The following NELL1 variants were observed in gnomAD, a reference collection of about 807,000 sequenced individuals.
NELL1 encodes the protein neural EGFL like 1.
NELL1 carries 76 observed loss-of-function variants against 107.4 expected under a neutral mutation model. The ratio of observed to expected loss-of-function variants is 0.71; its 90% CI spans 0.59 to 0.86. NELL1 has a LOEUF of 0.86. Ranked by LOEUF, NELL1 falls within the 40% of genes least tolerant of loss-of-function variation. The pLI, the probability that NELL1 is intolerant of heterozygous loss-of-function variation, is 0.00. For missense variants in NELL1, 1,024 were observed against 1,005.5 expected (o/e 1.02, Z -0.25); for synonymous variants, 353 against 341.2 (o/e 1.03, Z -0.38).
intron 3 of NELL1, among the ~76,000 whole-genome samples, chr11:20,824,395 G>A (rs327020): frequency 0.82 from 123,882 of 150,862 alleles, 52,041 homozygotes; most frequent in East Asian, 0.94. Flanking sequence ...CTGCCATAAG[G>A]ATACCTGAAA....
At chr11:21,561,512 T>C (rs1856849832) in intron 17 of NELL1, among the ~76,000 whole-genome samples, 1 of 152,066 alleles carries the variant, frequency 6.6e-6, no homozygotes, top group Non-Finnish European at 1.5e-5. Context: ...CAGCACTACT[T>C]TGAAAGACAA....
intron 14 of NELL1, among the ~76,000 whole-genome samples, chr11:21,239,507 C>T (rs1233505882): frequency 2.0e-5 from 3 of 152,016 alleles, no homozygotes; most frequent in Non-Finnish European, 2.9e-5. Context: ...CAGTGGGAAA[C>T]ATTCGTGAGA....
chr11:20,711,495 G>A (rs181651079), intron 2 of NELL1, among the ~76,000 whole-genome samples: 233 of 152,018 alleles, frequency 1.5e-3, no homozygotes, highest in African/African-American at 5.3e-3. Flanking sequence ...TATGTTTCAC[G>A]GAGGTTCTAT....
chr11:20,771,506 T>A (rs932343395), intron 2 of NELL1, among the ~76,000 whole-genome samples: 2 of 152,176 alleles, frequency 1.3e-5, no homozygotes, highest in Admixed American at 6.5e-5. Context: ...GTTTGACATA[T>A]CGCTTTGCAG....
intron 15 of NELL1, among the ~76,000 whole-genome samples, chr11:21,421,050 A>G (rs193079006): frequency 8.5e-5 from 13 of 152,350 alleles, no homozygotes; most frequent in African/African-American, 3.1e-4. Flanking sequence ...GAAAATGCCA[A>G]GGAAAAGGCC....
At chr11:21,010,219 A>G (rs1852417521) in intron 12 of NELL1, among the ~76,000 whole-genome samples, 1 of 152,052 alleles carries the variant, frequency 6.6e-6, no homozygotes, top group Admixed American at 6.6e-5. Flanking sequence ...TCCTCCCCTA[A>G]GAAGTTTCTT....
At chr11:21,175,676 G>T (rs1191259606) in intron 13 of NELL1, among the ~76,000 whole-genome samples, 1 of 151,812 alleles carries the variant, frequency 6.6e-6, no homozygotes, top group Non-Finnish European at 1.5e-5. Flanking sequence ...AATGTTAATT[G>T]GCAGCTCCGA....
intron 15 of NELL1, among the ~76,000 whole-genome samples, chr11:21,498,085 C>T (rs1340888680): frequency 6.6e-6 from 1 of 151,818 alleles, no homozygotes; most frequent in Non-Finnish European, 1.5e-5. Flanking sequence ...GAAAATATTA[C>T]AGATGCCTTT....
chr11:21,560,914 C>T (rs1216938943), intron 17 of NELL1, among the ~76,000 whole-genome samples: 2 of 151,952 alleles, frequency 1.3e-5, no homozygotes, highest in Admixed American at 1.3e-4. Context: ...TTGTTATTCT[C>T]AGTGCTGGGC....
At chr11:21,137,920 T>A (rs751903833) in intron 13 of NELL1, among the ~76,000 whole-genome samples, 8 of 152,194 alleles carry the variant, frequency 5.3e-5, no homozygotes, top group Non-Finnish European at 7.4e-5. Flanking sequence ...TCTTTCTCCA[T>A]CTTTCAGAAA....
intron 2 of NELL1, among the ~76,000 whole-genome samples, chr11:20,682,997 C>T (rs1455302727): frequency 3.3e-5 from 5 of 151,856 alleles, no homozygotes; most frequent in African/African-American, 1.2e-4. Flanking sequence ...TTTTCATCAG[C>T]GTATTTAGAC....
At chr11:20,921,637 A>G (rs1850378190) in intron 7 of NELL1, among the ~76,000 whole-genome samples, 1 of 152,142 alleles carries the variant, frequency 6.6e-6, no homozygotes, top group Admixed American at 6.6e-5. Flanking sequence ...AGCAAATAAA[A>G]AAGAAAGGAA....
chr11:21,314,000 C>T (rs1015208519), intron 14 of NELL1, among the ~76,000 whole-genome samples: 2 of 96,958 alleles, frequency 2.1e-5, no homozygotes, highest in Non-Finnish European at 3.9e-5. Context: ...CTGCCCCCCC[C>T]CCCCCCCCCG....
intron 15 of NELL1, among the ~76,000 whole-genome samples, chr11:21,454,262 C>A (rs1046919205): frequency 2.0e-5 from 3 of 149,878 alleles, no homozygotes; most frequent in African/African-American, 7.4e-5. Flanking sequence ...ATGAACTCAT[C>A]ATTTTTTATG....
chr11:21,011,308 G>A (rs1257808536), intron 12 of NELL1, among the ~76,000 whole-genome samples: 3 of 152,062 alleles, frequency 2.0e-5, no homozygotes, highest in African/African-American at 7.2e-5. Context: ...GGATTCTCTG[G>A]AAGCAGATAT....
At chr11:20,801,260 T>C (rs562110619) in intron 3 of NELL1, among the ~76,000 whole-genome samples, 1 of 152,344 alleles carries the variant, frequency 6.6e-6, no homozygotes, top group South Asian at 2.1e-4. Context: ...GTTAGACTTC[T>C]AGCCTACTTC....
At chr11:21,270,238 T>A (rs985908927) in intron 14 of NELL1, among the ~76,000 whole-genome samples, 7 of 151,994 alleles carry the variant, frequency 4.6e-5, no homozygotes, top group African/African-American at 1.7e-4. Context: ...AATTAAAAGA[T>A]ACAGAATATC....
intron 14 of NELL1, among the ~76,000 whole-genome samples, chr11:21,364,410 C>CAAAAAAAAAAAA (rs71034511): frequency 5.7e-4 from 43 of 75,614 alleles, no homozygotes; most frequent in African/African-American, 3.3e-3. Flanking sequence ...GACTCTGTCT[C>CAAAAAAAAAAAA]AAAAAAAAAA....
At chr11:21,091,573 G>A (rs1418598636) in intron 12 of NELL1, among the ~76,000 whole-genome samples, 4 of 152,082 alleles carry the variant, frequency 2.6e-5, no homozygotes, top group Admixed American at 2.6e-4. Flanking sequence ...TTTTGATTTT[G>A]ATTTTAATAT....
Sources: allele counts gnomAD v4.1 joint callset (sites outside exome capture counted in the v4.1 genomes callset), GRCh38; gene constraint gnomAD v4.1.1; transcripts MANE v1.5; gene names NCBI Gene and HGNC (gene_info 2026-07-23, HGNC 2026-07-21).